The following TTL variants were observed in gnomAD, a reference collection of about 807,000 sequenced individuals.
The protein encoded by TTL is tubulin--tyrosine ligase.
In TTL, 10 loss-of-function variants were observed where a neutral mutation model predicts 41.1. The ratio of observed to expected loss-of-function variants is 0.24; its 90% CI spans 0.15 to 0.41. The LOEUF (loss-of-function observed/expected upper bound fraction) is 0.41. Among genes scored for constraint, TTL ranks in the 10% least tolerant of loss-of-function variants. TTL has a pLI of 1.00. For synonymous variants in TTL, 175 were observed against 175.5 expected, an observed-to-expected ratio of 1.00 and a Z score of 0.02; for missense variants, 367 against 460.4, an observed-to-expected ratio of 0.80 and a Z score of 1.86.
intron 2 of TTL, among the ~76,000 whole-genome samples, chr2:112,489,963 A>G (rs1681335521): frequency 6.6e-6 from 1 of 152,208 alleles, no homozygotes; most frequent in Non-Finnish European, 1.5e-5. Flanking sequence ...GTAAATCTTT[A>G]TTTAAAAAGA....
chr2:112,516,269 A>G (rs1362165145), intron 5 of TTL, among the ~76,000 whole-genome samples: 1 of 152,196 alleles, frequency 6.6e-6, no homozygotes, highest in Non-Finnish European at 1.5e-5. Flanking sequence ...TTTTAGAACT[A>G]TAATCTATCT....
At chr2:112,488,744 T>A (rs1345470508) in intron 2 of TTL, among the ~76,000 whole-genome samples, 1 of 141,748 alleles carries the variant, frequency 7.1e-6, no homozygotes, top group African/African-American at 2.6e-5. Context: ...GGAGACAGAG[T>A]GAGACTCCTT....
intron 6 of TTL, among the ~76,000 whole-genome samples, chr2:112,524,197 A>G (rs527824264): frequency 2.6e-5 from 4 of 152,254 alleles, no homozygotes; most frequent in Admixed American, 2.6e-4. Context: ...TCTATCATTG[A>G]TGGACATTTG....
chr2:112,501,363 C>G (rs1401961768), intron 4 of TTL, 22 bp downstream of exon 4: 19 of 1,546,576 alleles, frequency 1.2e-5, no homozygotes, highest in Middle Eastern at 1.7e-4. Flanking sequence ...ATGTCCATAG[C>G]TTTTGTTTTT....
Position 112,502,900 on chromosome 2 carries a change from G to C in TTL, c.606-12G>C. 6.3e-7 allele frequency: 1 copy of C among 1,596,238 alleles called. No individual in the cohort carries two copies. The highest frequency in any genetic ancestry group is 8.5e-7 in the Non-Finnish European group (1 of 1,170,444). On this transcript the variant is annotated splice_polypyrimidine_tract_variant and intron_variant, in intron 4 of 6. Transcript: ENST00000233336. ...ATGACTTGAGTAAAGCAGTGTTTTT[G>C]TTGAATTGCAGAAGCTGGGTCTTGG...
At chr2:112,492,497 G>C (rs536707609) in intron 2 of TTL, among the ~76,000 whole-genome samples, 1 of 152,228 alleles carries the variant, frequency 6.6e-6, no homozygotes, top group African/African-American at 2.4e-5. Flanking sequence ...TTGGGAGGCC[G>C]AGGCGGGTGG....
Position 112,528,977 on chromosome 2 carries a change from C to T in TTL, c.*182C>T, listed in dbSNP as rs895776714. On this transcript the variant is annotated 3_prime_UTR_variant, in exon 7 of 7. Coordinates refer to ENST00000233336, the MANE Select transcript of TTL (RefSeq NM_153712.5). ...CCCAAAGAGAGGGCTGCTCAGGGGG[C>T]TTCCCAGATGTAGCTCTCAGCAGTG... 2 of 617,428 alleles carry T rather than the reference C, an allele frequency of 3.2e-6. No individual in the cohort carries two copies. The highest frequency in any genetic ancestry group is 5.8e-6 in the Non-Finnish European group (2 of 344,232). The allele number at this position is 617,428 out of a possible 1,614,324, so 38.2% of individuals were successfully genotyped here.
chr2:112,496,665 CTGTGTGTGTGTGTGTGTGTGTGTGTG>C (rs10635241), intron 3 of TTL, among the ~76,000 whole-genome samples: 1 of 106,052 alleles, frequency 9.4e-6, no homozygotes, highest in East Asian at 2.7e-4. Flanking sequence ...ATATATGTGT[CTGTGTGTGTGTGTGTGTGTGTGTGTG>C]TGTGTGTGTG....
At chr2:112,518,567 A>T (rs1304016409) in intron 5 of TTL, among the ~76,000 whole-genome samples, 1 of 152,128 alleles carries the variant, frequency 6.6e-6, no homozygotes. Context: ...CTCCAAGTTC[A>T]CAAAGGCCTC....
In TTL at chr2:112,529,414, G is replaced by C. The variant is rs1682451391; in HGVS notation, c.*619G>C. On this transcript the variant is annotated 3_prime_UTR_variant, in exon 7 of 7. Coordinates refer to ENST00000233336, the MANE Select transcript of TTL (RefSeq NM_153712.5). ...AAACAGCATATGCTGCTCTAAGTCTGCTCTCTGCATGTTTTAGAAACAAAG... is the reference window on the plus strand; with the variant it reads ...AAACAGCATATGCTGCTCTAAGTCTCCTCTCTGCATGTTTTAGAAACAAAG... 8.8e-6 allele frequency: 2 copies of C among 228,156 alleles called. No individual in the cohort carries two copies. Among genetic ancestry groups the C allele is most frequent in the African/African-American group, 4.4e-5 (2 of 45,046 alleles). The allele number at this position is 228,156 out of a possible 1,614,324, so 14.1% of individuals were successfully genotyped here. A position where few individuals can be genotyped will look rare whatever the true frequency, so the allele number is the denominator to read the frequency against.
chr2:112,510,760 A>G (rs1322339019), intron 5 of TTL, among the ~76,000 whole-genome samples: 1 of 152,214 alleles, frequency 6.6e-6, no homozygotes, highest in Admixed American at 6.5e-5. Context: ...TAAATATTGC[A>G]TTAGCAGAAT....
chr2:112,534,326 A>G lies in TTL; in HGVS notation c.*5531A>G, dbSNP rs1372929438. The G allele has an allele frequency of 5.9e-4, 1 of 1,694 alleles. No individual in the cohort carries two copies. The highest frequency in any genetic ancestry group is 1.5e-3 in the African/African-American group (1 of 672). 0.1% of individuals were successfully genotyped at this position (1,694 alleles called of 1,614,324 possible). A position where few individuals can be genotyped will look rare whatever the true frequency, so the allele number is the denominator to read the frequency against. On this transcript the variant is annotated 3_prime_UTR_variant, in exon 7 of 7. Transcript: ENST00000233336. ...GTGACAGTGCGAGACTCTGTCTCAA[A>G]AAAAAAAAAAAAAAAAAAAGGAAAG...
Position 112,541,325 on chromosome 2 carries a change from A to T in TTL, c.*12530A>T, listed in dbSNP as rs1452111423. 1 of 152,152 alleles carries T rather than the reference A, an allele frequency of 6.6e-6. No homozygotes were observed. The highest frequency in any genetic ancestry group is 1.5e-5 in the Non-Finnish European group (1 of 68,024). The allele number at this position is 152,152 out of a possible 1,614,324, so 9.4% of individuals were successfully genotyped here. A position where few individuals can be genotyped will look rare whatever the true frequency, so the allele number is the denominator to read the frequency against. Reference sequence around the variant, plus strand: ...TTTGCAAATCATGGATCTGACAAGGACTAGTATAGGCTATATAAAGAACTA... The same window carrying T: ...TTTGCAAATCATGGATCTGACAAGGTCTAGTATAGGCTATATAAAGAACTA... On this transcript the variant is annotated 3_prime_UTR_variant, in exon 7 of 7. Coordinates refer to ENST00000233336, the MANE Select transcript of TTL (RefSeq NM_153712.5).
At chr2:112,496,566 A>G (rs1681528810) in intron 3 of TTL, among the ~76,000 whole-genome samples, 1 of 151,672 alleles carries the variant, frequency 6.6e-6, no homozygotes, top group Non-Finnish European at 1.5e-5. Flanking sequence ...AAACAACCCC[A>G]TTATTCCACT....
At chr2:112,514,677 T>A (rs763496215) in intron 5 of TTL, among the ~76,000 whole-genome samples, 1 of 152,224 alleles carries the variant, frequency 6.6e-6, no homozygotes, top group East Asian at 1.9e-4. Flanking sequence ...TACTATGAGA[T>A]GTGTGTAGTT....
chr2:112,532,546 T>C lies in TTL; in HGVS notation c.*3751T>C. On this transcript the variant is annotated 3_prime_UTR_variant, in exon 7 of 7. Coordinates refer to ENST00000233336, the MANE Select transcript of TTL (RefSeq NM_153712.5). Reference sequence around the variant, plus strand: ...GTGGGAGGATCGCTTGAGGCTGAGGTGTGAGGCTGCAGTGAACCATGTTCA... The same window carrying C: ...GTGGGAGGATCGCTTGAGGCTGAGGCGTGAGGCTGCAGTGAACCATGTTCA... The C allele has an allele frequency of 4.9e-6, 1 of 203,220 alleles. No individual in the cohort carries two copies. Among genetic ancestry groups the C allele is most frequent in the Non-Finnish European group, 1.0e-5 (1 of 98,868 alleles). 12.6% of individuals were successfully genotyped at this position (203,220 alleles called of 1,614,324 possible). A position where few individuals can be genotyped will look rare whatever the true frequency, so the allele number is the denominator to read the frequency against.
At chr2:112,510,253 C>G (rs997460212) in intron 5 of TTL, among the ~76,000 whole-genome samples, 1 of 152,092 alleles carries the variant, frequency 6.6e-6, no homozygotes, top group African/African-American at 2.4e-5. Flanking sequence ...TCTCAGCCTC[C>G]CAAGTAGCTG....
intron 6 of TTL, among the ~76,000 whole-genome samples, chr2:112,526,208 T>C (rs1407400029): frequency 6.6e-6 from 1 of 152,350 alleles, no homozygotes; most frequent in East Asian, 1.9e-4. Context: ...TTGAGGATTT[T>C]TGCATCGATG....
In TTL at chr2:112,535,083, AAAG is replaced by A. The variant is rs1033992703; in HGVS notation, c.*6291_*6293del. On this transcript the variant is annotated 3_prime_UTR_variant, in exon 7 of 7. Coordinates refer to ENST00000233336, the MANE Select transcript of TTL (RefSeq NM_153712.5). ...AAAGAAAAAAGAGAAAGAAGAAAGA[AAAG>A]AAAAAAGGAAAGAAAGTTAGTTTAT... 6.6e-6 allele frequency: 1 copy of A among 152,082 alleles called. No individual in the cohort carries two copies. Among genetic ancestry groups the A allele is most frequent in the African/African-American group, 2.4e-5 (1 of 41,384 alleles). The allele number at this position is 152,082 out of a possible 1,614,324, so 9.4% of individuals were successfully genotyped here.
Sources: allele counts gnomAD v4.1 joint callset (sites outside exome capture counted in the v4.1 genomes callset), GRCh38; gene constraint gnomAD v4.1.1; transcripts MANE v1.5; gene names NCBI Gene and HGNC (gene_info 2026-07-23, HGNC 2026-07-21).